The following COX11 variants were observed in gnomAD, a reference collection of about 807,000 sequenced individuals.
COX11 encodes the protein cytochrome c oxidase assembly protein COX11, mitochondrial.
A neutral mutation model predicts 29.4 loss-of-function variants in COX11; 18 were observed. That is an observed-to-expected ratio of 0.61 (90% confidence interval 0.42 to 0.91). COX11 has a LOEUF of 0.91. Ranked by LOEUF, COX11 falls within the 40% of genes least tolerant of loss-of-function variation. The pLI is 0.00. For missense variants in COX11, 312 were observed against 346.0 expected, an observed-to-expected ratio of 0.90 and a Z score of 0.78; for synonymous variants, 131 against 124.0, an observed-to-expected ratio of 1.06 and a Z score of -0.38.
At chr17:54,963,551 G>T in intron 2 of COX11, 120 bp from the exon 3 acceptor site, 1 of 949,472 alleles carries the variant, frequency 1.1e-6, no homozygotes, top group Non-Finnish European at 1.5e-6. Flanking sequence ...ATCTAATGTA[G>T]GGTTCAGCAA....
At chr17:54,967,062 A>G (rs1424800392) in intron 1 of COX11, among the ~76,000 whole-genome samples, 1 of 91,252 alleles carries the variant, frequency 1.1e-5, no homozygotes, top group East Asian at 2.4e-4. Context: ...ACACACACAC[A>G]CACACACACA....
At chr17:54,967,203 G>A (rs2077248193) in intron 1 of COX11, among the ~76,000 whole-genome samples, 2 of 152,182 alleles carry the variant, frequency 1.3e-5, no homozygotes, top group Non-Finnish European at 2.9e-5. Flanking sequence ...CTGTGGCCTT[G>A]TGATAAAATG....
chr17:54,961,938 T>C lies in COX11; in HGVS notation c.*795A>G. 2 of 899,046 alleles carry C rather than the reference T, an allele frequency of 2.2e-6. No individual in the cohort carries two copies. Among genetic ancestry groups the C allele is most frequent in the Non-Finnish European group, 2.7e-6 (2 of 751,708 alleles). 55.7% of individuals were successfully genotyped at this position (899,046 alleles called of 1,614,324 possible). A position where few individuals can be genotyped will look rare whatever the true frequency, so the allele number is the denominator to read the frequency against. Reference sequence around the variant, plus strand: ...AATAAGTTGTACATTTGATGACAAATAAATCACTATTAAAACAATTTAATA... The same window carrying C: ...AATAAGTTGTACATTTGATGACAAACAAATCACTATTAAAACAATTTAATA... On this transcript the variant is annotated 3_prime_UTR_variant, in exon 4 of 4. Coordinates refer to ENST00000299335, the MANE Select transcript of COX11 (RefSeq NM_004375.5).
chr17:54,966,415 T>C (rs1035220188), intron 1 of COX11, among the ~76,000 whole-genome samples: 1 of 152,206 alleles, frequency 6.6e-6, no homozygotes, highest in African/African-American at 2.4e-5. Flanking sequence ...ACACGCAATA[T>C]TATCAGTTAT....
chr17:54,966,841 G>T (rs1292696008), intron 1 of COX11, among the ~76,000 whole-genome samples: 2 of 152,162 alleles, frequency 1.3e-5, no homozygotes, highest in African/African-American at 4.8e-5. Context: ...TGCCAGAAAA[G>T]AAAAGTCCTT....
chr17:54,967,198 G>A lies in COX11; in HGVS notation c.366+1083C>T, dbSNP rs143931919. Among the ~76,000 whole-genome samples the A allele has an allele frequency of 4.6e-5, 7 of 152,230 alleles. No homozygotes were observed. In the East Asian group the frequency reaches 1.4e-3, roughly 29 times the overall value. ...TTACTGATGCCTGGTTCCCACTGTG[G>A]CCTTGTGATAAAATGGGTAATGTGT... On this transcript the variant is annotated intron_variant, in intron 1 of 3. Transcript: ENST00000299335.
At chr17:54,957,599 G>T (rs147297237), downstream of COX11, 1 of 152,140 alleles carries the variant, frequency 6.6e-6, no homozygotes, top group African/African-American at 2.4e-5. Flanking sequence ...CTTTCTGGGG[G>T]TCAGAATGTC....
chr17:54,958,883 TAGA>T (rs2077032380), downstream of COX11, among the ~76,000 whole-genome samples: 1 of 152,026 alleles, frequency 6.6e-6, no homozygotes, highest in South Asian at 2.1e-4. Context: ...GGATCTGGCA[TAGA>T]AGGAGAGGTT....
In COX11 at chr17:54,968,393, T is replaced by C. The variant is rs754740842; in HGVS notation, c.254A>G (p.Glu85Gly). Residue 85 changes from glutamate to glycine, a missense_variant, in exon 1 of 4, where the codon GAG becomes GGG. This residue lies in a region of COX11 where 182 missense variants were observed against 240.0 expected (regional missense o/e 0.76). Coordinates refer to ENST00000299335, the MANE Select transcript of COX11 (RefSeq NM_004375.5). ...CTTGTTCTGCCGCCGCCGCTCCTCC[T>C]CCTGCGCGCGTGTGAAAGGGTTCGA... is the stretch of plus-strand genomic sequence containing the variant. ...KSSNPFTRAQEEERRRQNKTT... is the reference protein window; with the variant it reads ...KSSNPFTRAQGEERRRQNKTT... 4.3e-6 allele frequency: 7 copies of C among 1,613,174 alleles called. No homozygotes were observed. The East Asian group carries it at 8.9e-5, about 21-fold the overall frequency.
intron 1 of COX11, among the ~76,000 whole-genome samples, chr17:54,966,756 G>C (rs80055006): frequency 3.9e-5 from 6 of 152,212 alleles, no homozygotes; most frequent in African/African-American, 9.6e-5. Context: ...CTGATGAAAA[G>C]TAATTCACAT....
Position 54,961,500 on chromosome 17 carries a change from C to G in COX11, c.*1233G>C, listed in dbSNP as rs2077124429. ...GAAGAAAAATTACTTAGTCCTTAGG[C>G]CAACCAATTTAACTGCAGTGTCATG... On this transcript the variant is annotated 3_prime_UTR_variant, in exon 4 of 4. Coordinates refer to ENST00000299335, the MANE Select transcript of COX11 (RefSeq NM_004375.5). 1 of 1,420,398 alleles carries G rather than the reference C, an allele frequency of 7.0e-7. No individual in the cohort carries two copies. Among genetic ancestry groups the G allele is most frequent in the African/African-American group, 1.4e-5 (1 of 69,394 alleles). The allele number at this position is 1,420,398 out of a possible 1,614,324, so 88.0% of individuals were successfully genotyped here.
chr17:54,962,983 C>A, intron 3 of COX11, 68 bp from the exon 4 acceptor site: 2 of 1,365,816 alleles, frequency 1.5e-6, no homozygotes, highest in Non-Finnish European at 2.0e-6. Flanking sequence ...CTATACAGTT[C>A]TTTTATCTTA....
chr17:54,954,721 G>A (rs1226026973), exon 1 of COX11: 2 of 152,198 alleles, frequency 1.3e-5, no homozygotes, highest in East Asian at 3.9e-4. Flanking sequence ...GCCCCCACAT[G>A]ACTGATGCTT....
chr17:54,958,748 A>AAAAG (rs372776781), downstream of COX11, among the ~76,000 whole-genome samples: 35 of 118,946 alleles, frequency 2.9e-4, 1 homozygote, highest in African/African-American at 8.4e-4. Flanking sequence ...AAAAAAAAAA[A>AAAAG]GGGGTTGTTG....
chr17:54,956,859 G>C (rs2049535602), downstream of COX11: 1 of 152,246 alleles, frequency 6.6e-6, no homozygotes, highest in South Asian at 2.1e-4. Flanking sequence ...AGAGGGAAGA[G>C]GGTATGTCGT....
Position 54,962,733 on chromosome 17 carries a change from T to G in COX11, c.831A>C (p.Ter277CysextTer11). 1 of 1,609,006 alleles carries G rather than the reference T, an allele frequency of 6.2e-7. No individual in the cohort carries two copies. The highest frequency in any genetic ancestry group is 8.5e-7 in the Non-Finnish European group (1 of 1,178,566). ...GHKLPVPGYN[*>C] The stretch of plus-strand genomic sequence containing the variant: ...TTGAAGGAAGACTTAGTTGCTGACT[T>G]CAATTATATCCTGGAACTGGCAACT... The change falls in exon 4 of 4, where the codon TGA becomes TGC. Residue 277 changes from the stop codon to cysteine, a stop_lost. Coordinates refer to ENST00000299335, the MANE Select transcript of COX11 (RefSeq NM_004375.5).
chr17:54,961,280 C>T lies in COX11; in HGVS notation c.*1453G>A. The T allele has an allele frequency of 1.9e-6, 3 of 1,551,522 alleles. No homozygotes were observed. The highest frequency in any genetic ancestry group is 2.6e-6 in the Non-Finnish European group (3 of 1,146,886). ...CACTACCACATCAAAGGTGCCAACT[C>T]TCTAAAACGTAGACTCTGTGCAGCT... On this transcript the variant is annotated 3_prime_UTR_variant, in exon 4 of 4. Transcript: ENST00000299335.
chr17:54,954,842 A>G (rs2049413187), exon 1 of COX11: 1 of 152,250 alleles, frequency 6.6e-6, no homozygotes, highest in Admixed American at 6.5e-5. Flanking sequence ...AACATTGCAT[A>G]TAGGGCATTT....
intron 1 of COX11, among the ~76,000 whole-genome samples, chr17:54,967,549 A>C (rs2077263755): frequency 6.6e-6 from 1 of 152,138 alleles, no homozygotes; most frequent in Admixed American, 6.5e-5. Context: ...ACAGGACTTA[A>C]CTAAAATATA....
Sources: gnomAD v4.1 joint callset for allele counts (sites outside exome capture counted in the v4.1 genomes callset) on GRCh38, gnomAD v4.1.1 for gene constraint, gnomAD v4.1.1 regional missense constraint, MANE v1.5 for transcripts, NCBI Gene and HGNC (gene_info 2026-07-23, HGNC 2026-07-21) for gene names.